The following PRKCB variants were observed in gnomAD, a reference collection of about 807,000 sequenced individuals.
The protein encoded by PRKCB is protein kinase C beta.
Under a neutral mutation model 81.5 loss-of-function variants are expected in PRKCB, and 13 were observed. The ratio of observed to expected loss-of-function variants is 0.16; its 90% confidence interval spans 0.10 to 0.25. The LOEUF (loss-of-function observed/expected upper bound fraction) is 0.25. PRKCB is among the 10% of genes least tolerant of loss of function. The pLI is 1.00. For synonymous variants in PRKCB, 335 were observed against 321.4 expected, an observed-to-expected ratio of 1.04 and a Z score of -0.45; for missense variants, 509 against 875.7, an observed-to-expected ratio of 0.58 and a Z score of 5.29.
intron 9 of PRKCB, among the ~76,000 whole-genome samples, chr16:24,144,046 T>G (rs73550908): frequency 0.026 from 3,890 of 152,286 alleles, 168 homozygotes; most frequent in African/African-American, 0.086. Context: ...AAAACGATTT[T>G]CATTATAGAA....
intron 2 of PRKCB, among the ~76,000 whole-genome samples, chr16:23,916,182 T>G (rs1963736559): frequency 6.6e-6 from 1 of 151,058 alleles, no homozygotes; most frequent in Admixed American, 6.6e-5. Context: ...GCCTGCCGAG[T>G]AGCTGGGACT....
chr16:23,886,712 CGTGTTATGAGTTGAA>C, intron 2 of PRKCB, among the ~76,000 whole-genome samples: 1 of 152,236 alleles, frequency 6.6e-6, no homozygotes, highest in African/African-American at 2.4e-5. Flanking sequence ...CGTGCCCAGC[CGTGTTATGAGTTGAA>C]CAGATTTCTT....
At chr16:24,178,785 C>T (rs1967574603) in intron 12 of PRKCB, among the ~76,000 whole-genome samples, 1 of 152,136 alleles carries the variant, frequency 6.6e-6, no homozygotes, top group East Asian at 1.9e-4. Context: ...AAGGAGACCC[C>T]ACAGACACAG....
At position 24,046,924 on chromosome 16, in the gene PRKCB, G is replaced by A. The variant is rs550583036; in HGVS notation, c.529+11377G>A. Among the ~76,000 whole-genome samples the A allele has an allele frequency of 2.6e-5, 4 of 152,276 alleles. No individual in the cohort carries two copies. In the East Asian group the frequency reaches 7.7e-4, roughly 29 times the overall value. The stretch of plus-strand genomic sequence containing the variant: ...GAAAACAGAGCCTTGAAAAATCTGA[G>A]CCTGGTGTGGTAGCATGTGGCTATG... On this transcript the variant is annotated intron_variant, in intron 5 of 16. Transcript: ENST00000643927.
chr16:23,949,275 GC>G (rs1384453135), intron 2 of PRKCB, among the ~76,000 whole-genome samples: 1 of 152,242 alleles, frequency 6.6e-6, no homozygotes, highest in African/African-American at 2.4e-5. Context: ...GAAAGGGCCA[GC>G]CCCTGGGGCC....
rs28502782 is a variant in PRKCB, at chr16:23,847,577, C to T, written c.205+10171C>T. The stretch of plus-strand genomic sequence containing the variant: ...CCATCCATCCATCCATCCATCCATC[C>T]GTCTGGCTATCCAACCGTTTTTCCA... On this transcript the variant is annotated intron_variant, in intron 2 of 16. Transcript: ENST00000643927. Among the ~76,000 whole-genome samples, 457 of 150,640 alleles carry T rather than the reference C, an allele frequency of 3.0e-3. 3 individuals are homozygous for T. Among genetic ancestry groups the T allele is most frequent in the African/African-American group, 0.01 (421 of 40,804 alleles).
intron 2 of PRKCB, among the ~76,000 whole-genome samples, chr16:23,901,925 T>C (rs1963480648): frequency 1.3e-5 from 2 of 152,294 alleles, no homozygotes; most frequent in South Asian, 4.1e-4. Flanking sequence ...TGAGTGTGTG[T>C]GCCTTGTTCG....
intron 7 of PRKCB, among the ~76,000 whole-genome samples, chr16:24,110,357 G>A (rs8045487): frequency 0.19 from 29,238 of 150,904 alleles, 5,341 homozygotes; most frequent in African/African-American, 0.48. Flanking sequence ...GACTACGGGC[G>A]CGTGCCACCA....
chr16:24,017,511 C>T (rs1218741631), intron 3 of PRKCB, among the ~76,000 whole-genome samples: 1 of 152,174 alleles, frequency 6.6e-6, no homozygotes, highest in Non-Finnish European at 1.5e-5. Flanking sequence ...CACACACACA[C>T]ACACACAGAC....
chr16:24,066,074 C>CGTGTGTGT (rs1567362240), intron 5 of PRKCB, among the ~76,000 whole-genome samples: 1 of 73,266 alleles, frequency 1.4e-5, no homozygotes, highest in South Asian at 4.4e-4. Context: ...CTGTGATGTT[C>CGTGTGTGT]CTGTGTGTGT....
intron 2 of PRKCB, among the ~76,000 whole-genome samples, chr16:23,881,123 C>T (rs1963099120): frequency 6.6e-6 from 1 of 152,254 alleles, no homozygotes; most frequent in African/African-American, 2.4e-5. Flanking sequence ...TTTGCCTCTC[C>T]TCTTCACTCT....
intron 3 of PRKCB, among the ~76,000 whole-genome samples, chr16:24,016,172 A>G (rs1321070933): frequency 1.3e-5 from 2 of 152,090 alleles, no homozygotes; most frequent in African/African-American, 2.4e-5. Context: ...TTAACTAGGG[A>G]TAACATCAAG....
intron 5 of PRKCB, among the ~76,000 whole-genome samples, chr16:24,052,895 G>T (rs533321212): frequency 6.6e-6 from 1 of 152,234 alleles, no homozygotes; most frequent in Middle Eastern, 3.4e-3. Flanking sequence ...AGCCCAGTAG[G>T]TCTCAGCCTT....
chr16:24,077,489 CCA>C (rs1567366324), intron 5 of PRKCB, among the ~76,000 whole-genome samples: 136 of 111,628 alleles, frequency 1.2e-3, no homozygotes, highest in African/African-American at 3.4e-3. Flanking sequence ...ATTCATCTCT[CCA>C]TCCATCCATC....
intron 5 of PRKCB, among the ~76,000 whole-genome samples, chr16:24,054,882 A>T (rs1266952284): frequency 6.6e-6 from 1 of 152,198 alleles, no homozygotes; most frequent in East Asian, 1.9e-4. Flanking sequence ...ATCCCAGAAT[A>T]GTGTGGTCTG....
At chr16:24,018,848 A>G (rs1429189809) in intron 3 of PRKCB, among the ~76,000 whole-genome samples, 2 of 152,202 alleles carry the variant, frequency 1.3e-5, no homozygotes, top group South Asian at 2.1e-4. Context: ...CAAATGTGCC[A>G]TGCGTGTGTA....
At chr16:24,149,125 C>G (rs531152824) in intron 9 of PRKCB, among the ~76,000 whole-genome samples, 2 of 152,220 alleles carry the variant, frequency 1.3e-5, no homozygotes, top group African/African-American at 4.8e-5. Context: ...GGGTCTTGTT[C>G]CCTGGTCTAG....
chr16:24,197,890 G>C (rs2141984424), intron 16 of PRKCB, among the ~76,000 whole-genome samples: 1 of 152,284 alleles, frequency 6.6e-6, no homozygotes, highest in African/African-American at 2.4e-5. Flanking sequence ...CAAGAGTTTG[G>C]TCCCAGTAGC....
chr16:24,106,769 A>G (rs1966583846), intron 7 of PRKCB, among the ~76,000 whole-genome samples: 1 of 152,210 alleles, frequency 6.6e-6, no homozygotes. Flanking sequence ...ATATTGTATT[A>G]GAAATTATGT....
Sources: allele counts gnomAD v4.1 joint callset (sites outside exome capture counted in the v4.1 genomes callset), GRCh38; gene constraint gnomAD v4.1.1; transcripts MANE v1.5; gene names NCBI Gene and HGNC (gene_info 2026-07-23, HGNC 2026-07-21).